GPSM1: variants seen among roughly 807,000 people sequenced by gnomAD.
The protein encoded by GPSM1 is G protein signaling modulator 1.
In GPSM1, 48 loss-of-function variants were observed where a neutral mutation model predicts 70.5. The ratio of observed to expected loss-of-function variants is 0.68; its 90% confidence interval spans 0.54 to 0.87. GPSM1 has a LOEUF of 0.87. Ranked by LOEUF, GPSM1 falls within the 40% of genes least tolerant of loss-of-function variation. The pLI, the probability that GPSM1 is intolerant of heterozygous loss-of-function variation, is 0.00. For missense variants in GPSM1, 981 were observed against 972.6 expected (o/e 1.01, Z -0.11); for synonymous variants, 416 against 430.1 (o/e 0.97, Z 0.41).
At position 136,337,065 on chromosome 9, in the gene GPSM1, T is replaced by C; in HGVS notation, c.571T>C (p.Phe191Leu). ...VRETLCKASE[F>L]YERNLSLVKE... ...AGAGACCCTGTGCAAGGCCTCCGAG[T>C]TCTACGAGTGAGTGGGGCAGGGCCA... is the stretch of plus-strand genomic sequence containing the variant. Residue 191 changes from phenylalanine to leucine, a missense_variant, in exon 4 of 14, where the codon TTC becomes CTC. Phe to Leu is a conservative substitution (Grantham distance 22). Transcript: ENST00000440944. 1 of 1,550,822 alleles carries C rather than the reference T, an allele frequency of 6.4e-7. No individual in the cohort carries two copies. Among genetic ancestry groups the C allele is most frequent in the East Asian group, 2.4e-5 (1 of 41,134 alleles).
chr9:136,347,430 G>A (rs1182689380), intron 9 of GPSM1, among the ~76,000 whole-genome samples: 1 of 152,236 alleles, frequency 6.6e-6, no homozygotes, highest in Non-Finnish European at 1.5e-5. Context: ...GCATAGGGGG[G>A]TGGGAGCTGT....
rs1554770560 is a variant in GPSM1, at chr9:136,342,772, G to C, written c.1207+1779G>C. Among the ~76,000 whole-genome samples the C allele has an allele frequency of 6.6e-6, 1 of 152,002 alleles. No homozygotes were observed. The highest frequency in any genetic ancestry group is 1.9e-4 in the East Asian group (1 of 5,148). On this transcript the variant is annotated intron_variant, in intron 9 of 13. Coordinates refer to ENST00000440944, the MANE Select transcript of GPSM1 (RefSeq NM_001145638.3). The surrounding 1 kb of genome is among the most constrained non-coding windows in gnomAD (Gnocchi z 5.5). ...TCTGCGAGCTGCGGGAGGGGAGGGGGGTGCAGAGCCGCGCTAGAGCCTGGC... is the reference window on the plus strand; with the variant it reads ...TCTGCGAGCTGCGGGAGGGGAGGGGCGTGCAGAGCCGCGCTAGAGCCTGGC...
chr9:136,357,981 G>T (rs781895187), intron 13 of GPSM1, 33 bp from the exon 14 acceptor site: 8 of 1,569,436 alleles, frequency 5.1e-6, no homozygotes, highest in Non-Finnish European at 5.3e-6. Context: ...GGGCTGGGGG[G>T]GTGAGGCCGC....
chr9:136,327,827 CG>C, intron 1 of GPSM1, 64 bp downstream of exon 1: 4 of 599,124 alleles, frequency 6.7e-6, no homozygotes, highest in African/African-American at 1.9e-5. Flanking sequence ...GGTCGGGACG[CG>C]GGGGAGGCTG....
chr9:136,344,809 T>C (rs140399481), intron 9 of GPSM1, among the ~76,000 whole-genome samples: 6 of 152,298 alleles, frequency 3.9e-5, no homozygotes, highest in Middle Eastern at 3.4e-3. Context: ...GCGAGGGCCT[T>C]GGCCGAAGAA....
Position 136,335,980 on chromosome 9 carries a change from G to C in GPSM1, c.305G>C (p.Arg102Pro). The change falls in exon 3 of 14, where the codon CGC becomes CCC. Residue 102 changes from arginine (R) to proline (P), a missense_variant. By Grantham distance (103) the Arg-to-Pro change is moderately radical. Transcript: ENST00000440944. ...CTGCCATCCAGGACCATCGGTGACC[G>C]CATGGGGGAGGCCAAGGCCAGTGGA... ...DLLLARTIGDRMGEAKASGNL... is the reference protein window; with the variant it reads ...DLLLARTIGDPMGEAKASGNL... 2 of 1,612,394 alleles carry C rather than the reference G, an allele frequency of 1.2e-6. No homozygotes were observed. Among genetic ancestry groups the C allele is most frequent in the Non-Finnish European group, 1.7e-6 (2 of 1,179,808 alleles).
At position 136,327,557 on chromosome 9, in the gene GPSM1, CGGGGGAGGACGG is replaced by C. The variant is rs1380793999; in HGVS notation, c.-137_-126del. 2 of 186,950 alleles carry C rather than the reference CGGGGGAGGACGG, an allele frequency of 1.1e-5. No homozygotes were observed. Among genetic ancestry groups the C allele is most frequent in the African/African-American group, 4.8e-5 (2 of 42,002 alleles). The allele number at this position is 186,950 out of a possible 1,614,324, so 11.6% of individuals were successfully genotyped here. ...GCACATCACTTCCTCGGCGCCTCCC[CGGGGGAGGACGG>C]GCGAACGAGGCGCGGACGGACAGGC... On this transcript the variant is annotated 5_prime_UTR_variant, in exon 1 of 14. Coordinates refer to ENST00000440944, the MANE Select transcript of GPSM1 (RefSeq NM_001145638.3).
chr9:136,338,678 G>T lies in GPSM1; in HGVS notation c.942G>T (p.Arg314=). Residue 314 remains arginine (R), a synonymous_variant, in exon 7 of 14, where the codon CGG becomes CGT. Coordinates refer to ENST00000440944, the MANE Select transcript of GPSM1 (RefSeq NM_001145638.3). ...DYERAAEYHL[R]HLLIAQELAD... The stretch of plus-strand genomic sequence containing the variant: ...AGCGCGCGGCCGAGTACCACCTGCG[G>T]CACCTGCTCATTGCCCAGGAGCTGG... 1 of 1,569,044 alleles carries T rather than the reference G, an allele frequency of 6.4e-7. No homozygotes were observed. The highest frequency in any genetic ancestry group is 2.3e-5 in the East Asian group (1 of 42,846).
At position 136,358,008 on chromosome 9, in the gene GPSM1, A is replaced by G. The variant is rs782639939; in HGVS notation, c.1822-6A>G. Reference sequence around the variant, plus strand: ...TGAGGCCGCCAACTGCACTGTGTCCACCCAGTCCTCCAGGATCGATGACCA... The same window carrying G: ...TGAGGCCGCCAACTGCACTGTGTCCGCCCAGTCCTCCAGGATCGATGACCA... On this transcript the variant is annotated splice_polypyrimidine_tract_variant and splice_region_variant and intron_variant, in intron 13 of 13. Transcript: ENST00000440944. 6.2e-7 allele frequency: 1 copy of G among 1,611,516 alleles called. No individual in the cohort carries two copies. Among genetic ancestry groups the G allele is most frequent in the African/African-American group, 1.3e-5 (1 of 74,984 alleles).
chr9:136,334,047 G>A (rs569397909), intron 1 of GPSM1, among the ~76,000 whole-genome samples: 6 of 152,232 alleles, frequency 3.9e-5, no homozygotes, highest in Admixed American at 2.0e-4. Context: ...AGCTGTGGTC[G>A]CTCAGGAGGA....
At chr9:136,353,402 C>T (rs1832724227) in intron 11 of GPSM1, among the ~76,000 whole-genome samples, 1 of 152,214 alleles carries the variant, frequency 6.6e-6, no homozygotes, top group African/African-American at 2.4e-5. Flanking sequence ...CCGAGTCCCA[C>T]TGGATATGTT....
Position 136,341,422 on chromosome 9 carries a change from G to A in GPSM1, c.1207+429G>A. On this transcript the variant is annotated intron_variant, in intron 9 of 13. Coordinates refer to ENST00000440944, the MANE Select transcript of GPSM1 (RefSeq NM_001145638.3). This position sits in a 1 kb window ranked among gnomAD's most constrained non-coding sequence, Gnocchi z 6.7. Reference sequence around the variant, plus strand: ...GTGGGAGCCCTATGTGCCTGGGGCAGTAATCAGGCAAGGCCCAAGGCCATG... The same window carrying A: ...GTGGGAGCCCTATGTGCCTGGGGCAATAATCAGGCAAGGCCCAAGGCCATG... The A allele has an allele frequency of 9.2e-6, 13 of 1,413,690 alleles. No homozygotes were observed. Among genetic ancestry groups the A allele is most frequent in the Non-Finnish European group, 1.2e-5 (13 of 1,088,136 alleles). The allele number at this position is 1,413,690 out of a possible 1,614,324, so 87.6% of individuals were successfully genotyped here. A position where few individuals can be genotyped will look rare whatever the true frequency, so the allele number is the denominator to read the frequency against.
chr9:136,349,772 C>T lies in GPSM1; in HGVS notation c.1455+9C>T. ...TGCACGTGCCACGCACGGTAGGCGT[C>T]TTTGACGGCAGATCCAGGCCGAGAG... On this transcript the variant is annotated intron_variant, in intron 11 of 13. Transcript: ENST00000440944. The T allele has an allele frequency of 1.3e-6, 2 of 1,563,006 alleles. No homozygotes were observed. The highest frequency in any genetic ancestry group is 8.7e-7 in the Non-Finnish European group (1 of 1,154,850).
intron 9 of GPSM1, among the ~76,000 whole-genome samples, chr9:136,347,743 G>A (rs568102641): frequency 1.1e-4 from 16 of 152,044 alleles, no homozygotes; most frequent in African/African-American, 3.9e-4. Flanking sequence ...TTTTCCGTTC[G>A]CCAACTGATT....
At chr9:136,348,156 G>C (rs997175659) in intron 9 of GPSM1, among the ~76,000 whole-genome samples, 13 of 152,212 alleles carry the variant, frequency 8.5e-5, no homozygotes, top group Non-Finnish European at 1.6e-4. Flanking sequence ...ACAGGAGCCC[G>C]GGGAAGGTCC....
At chr9:136,339,851 G>A in intron 8 of GPSM1, 36 bp downstream of exon 8, 2 of 1,307,032 alleles carry the variant, frequency 1.5e-6, no homozygotes, top group Non-Finnish European at 2.1e-6. Flanking sequence ...CCCGGGCACT[G>A]CCCAGCCCAC....
chr9:136,355,497 C>T (rs1832788010), intron 11 of GPSM1, 193 bp from the exon 12 acceptor site: 1 of 337,612 alleles, frequency 3.0e-6, no homozygotes, highest in Non-Finnish European at 5.1e-6. Flanking sequence ...GGTGACACGT[C>T]CTGGGGGAGG....
At chr9:136,330,788 G>C (rs1229595481) in intron 1 of GPSM1, among the ~76,000 whole-genome samples, 7 of 152,316 alleles carry the variant, frequency 4.6e-5, no homozygotes, top group Admixed American at 4.6e-4. Context: ...TGCAGTGCTG[G>C]CTTGGGAACT....
intron 1 of GPSM1, among the ~76,000 whole-genome samples, chr9:136,330,485 G>A (rs1832075381): frequency 6.6e-6 from 1 of 152,228 alleles, no homozygotes; most frequent in Non-Finnish European, 1.5e-5. Flanking sequence ...TCCTACAGCT[G>A]GGTGACCTTC....
Sources: allele counts gnomAD v4.1 joint callset (sites outside exome capture counted in the v4.1 genomes callset), GRCh38; gene constraint gnomAD v4.1.1; non-coding constraint Gnocchi (gnomAD v3.1); transcripts MANE v1.5; gene names NCBI Gene and HGNC (gene_info 2026-07-23, HGNC 2026-07-21).